B4GALNT2: variants seen among roughly 807,000 people sequenced by gnomAD.
The protein encoded by B4GALNT2 is N-acetylneuraminylgalactosylglucosyl-glucoside beta-1,4-N- acetylgalactosaminyltransferase 2.
In B4GALNT2, 42 loss-of-function variants were observed where a neutral mutation model predicts 51.1. The ratio of observed to expected loss-of-function variants is 0.82; its 90% CI spans 0.64 to 1.06. The LOEUF is 1.06. Ranked by LOEUF, B4GALNT2 falls within the 50% of genes least tolerant of loss-of-function variation. The pLI is 0.00. For synonymous variants in B4GALNT2, 253 were observed against 251.7 expected (o/e 1.01, Z -0.05); for missense variants, 602 against 633.6 (o/e 0.95, Z 0.54).
At chr17:49,162,912 C>CTAAA (rs762502571) in intron 7 of B4GALNT2, among the ~76,000 whole-genome samples, 1 of 53,622 alleles carries the variant, frequency 1.9e-5, no homozygotes, top group Non-Finnish European at 3.1e-5. Flanking sequence ...GAAACTGTCT[C>CTAAA]AAAAAAAAAA....
chr17:49,164,012 C>G, intron 7 of B4GALNT2, 76 bp from the exon 8 acceptor site: 8 of 1,397,514 alleles, frequency 5.7e-6, no homozygotes, highest in Non-Finnish European at 7.9e-6. Flanking sequence ...CAGAAAGAAG[C>G]CATCAGATCA....
At position 49,160,657 on chromosome 17, in the gene B4GALNT2, T is replaced by C. The variant is rs781716479; in HGVS notation, c.766+16T>C. On this transcript the variant is annotated intron_variant, in intron 7 of 10. Transcript: ENST00000393354. ...CCTGGACCAGGTAAGGCCCTTGTCC[T>C]TGGGGCTCCGTGGTGGCAACCCTGT... 28 of 1,605,482 alleles carry C rather than the reference T, an allele frequency of 1.7e-5. No homozygotes were observed. In the East Asian group the frequency reaches 5.4e-4, roughly 31 times the overall value.
chr17:49,129,951 C>A (rs1457624167), upstream of B4GALNT2, among the ~76,000 whole-genome samples: 3 of 152,344 alleles, frequency 2.0e-5, no homozygotes, highest in Non-Finnish European at 4.4e-5. Flanking sequence ...GATGGTGATG[C>A]TCCTGTCTGT....
At chr17:49,148,601 C>T (rs977100809) in intron 3 of B4GALNT2, 19 of 482,150 alleles carry the variant, frequency 3.9e-5, no homozygotes, top group Admixed American at 7.1e-5. Flanking sequence ...TGGTAAGGTA[C>T]GCGTAGAAAT....
the B4GALNT2 span, among the ~76,000 whole-genome samples, chr17:49,125,560 C>T: frequency 2.0e-5 from 3 of 151,964 alleles, no homozygotes; most frequent in Non-Finnish European, 4.4e-5. Flanking sequence ...CGTGTGTCGC[C>T]GCCATCCGGT....
intron 1 of B4GALNT2, 115 bp downstream of exon 1, chr17:49,132,921 G>A: frequency 7.3e-7 from 1 of 1,378,230 alleles, no homozygotes; most frequent in Non-Finnish European, 9.4e-7. Context: ...AGACGCCGGA[G>A]CCAGGGAGCG....
chr17:49,153,533 G>T (rs1325006546), intron 4 of B4GALNT2, among the ~76,000 whole-genome samples: 2 of 151,150 alleles, frequency 1.3e-5, no homozygotes, highest in African/African-American at 4.9e-5. Flanking sequence ...TTGCGACGGA[G>T]TCTTGCTCCA....
At chr17:49,150,076 G>T (rs1392477231) in intron 3 of B4GALNT2, among the ~76,000 whole-genome samples, 1 of 152,120 alleles carries the variant, frequency 6.6e-6, no homozygotes, top group Non-Finnish European at 1.5e-5. Flanking sequence ...GGTCGGGGGG[G>T]GTCAGCCCCC....
intron 1 of B4GALNT2, among the ~76,000 whole-genome samples, chr17:49,137,532 T>C (rs1046681126): frequency 2.0e-5 from 3 of 152,194 alleles, no homozygotes; most frequent in African/African-American, 4.8e-5. Flanking sequence ...CATAAACTTC[T>C]GTTCCCTGTA....
chr17:49,129,618 A>ATTTTTTT (rs35573556), upstream of B4GALNT2, among the ~76,000 whole-genome samples: 54 of 151,528 alleles, frequency 3.6e-4, no homozygotes, highest in African/African-American at 8.0e-4. Flanking sequence ...CTTCTGGCCG[A>ATTTTTTT]TTTTTTGGTC....
intron 1 of B4GALNT2, among the ~76,000 whole-genome samples, chr17:49,138,191 T>A (rs186296434): frequency 9.8e-4 from 150 of 152,306 alleles, no homozygotes; most frequent in African/African-American, 3.5e-3. Flanking sequence ...AGCATGGCAA[T>A]AGACTTAAAG....
chr17:49,156,562 C>A lies in B4GALNT2; in HGVS notation c.461-4C>A, dbSNP rs147824605. The A allele has an allele frequency of 1.3e-3, 2,065 of 1,613,762 alleles. 30 individuals carry two copies. The African/African-American group carries it at 0.024, about 19-fold the overall frequency. ...TTTTCTTTCCTTTTCCCTGTGTCCT[C>A]CAGGCCTCCAGTTTGAAGGACCCGA... On this transcript the variant is annotated splice_polypyrimidine_tract_variant and splice_region_variant and intron_variant, in intron 4 of 10. Transcript: ENST00000393354.
At position 49,137,549 on chromosome 17, in the gene B4GALNT2, C is replaced by T. The variant is rs8071467; in HGVS notation, c.15-3698C>T. Among the ~76,000 whole-genome samples, 106 of 152,236 alleles carry T rather than the reference C, an allele frequency of 7.0e-4. 2 individuals are homozygous for T. The highest frequency in any genetic ancestry group is 2.4e-3 in the African/African-American group (101 of 41,526). The stretch of plus-strand genomic sequence containing the variant: ...TAAACTTCTGTTCCCTGTAAATTAC[C>T]CAGTCTCAGGTATTCTGTTATAGCA... On this transcript the variant is annotated intron_variant, in intron 1 of 10. Coordinates refer to ENST00000393354, the MANE Select transcript of B4GALNT2 (RefSeq NM_001159387.2).
chr17:49,153,134 G>T (rs926586514), intron 4 of B4GALNT2, among the ~76,000 whole-genome samples: 17 of 151,810 alleles, frequency 1.1e-4, no homozygotes, highest in Admixed American at 9.9e-4. Flanking sequence ...AAAAGGGGCC[G>T]GGTGCTGTGC....
At chr17:49,131,240 A>G (rs982560860), upstream of B4GALNT2, among the ~76,000 whole-genome samples, 10 of 152,140 alleles carry the variant, frequency 6.6e-5, no homozygotes, top group Non-Finnish European at 1.3e-4. Flanking sequence ...AGTCGGTACA[A>G]CACTTTTCTG....
chr17:49,152,019 G>A (rs1231881072), intron 3 of B4GALNT2, among the ~76,000 whole-genome samples: 1 of 152,148 alleles, frequency 6.6e-6, no homozygotes, highest in Non-Finnish European at 1.5e-5. Flanking sequence ...TGCTGCAGCT[G>A]GGTGGGCCCC....
intron 4 of B4GALNT2, among the ~76,000 whole-genome samples, chr17:49,153,396 C>G (rs913826869): frequency 6.6e-6 from 1 of 151,926 alleles, no homozygotes; most frequent in Non-Finnish European, 1.5e-5. Context: ...GCCTGGGTGA[C>G]AAAGTGAGAT....
chr17:49,158,397 G>A (rs2042829339), intron 5 of B4GALNT2, among the ~76,000 whole-genome samples: 1 of 152,120 alleles, frequency 6.6e-6, no homozygotes, highest in African/African-American at 2.4e-5. Flanking sequence ...GGAAGGTGTG[G>A]AGTAAGAAGG....
At chr17:49,133,083 C>T (rs776711431) in intron 1 of B4GALNT2, 8 of 1,510,246 alleles carry the variant, frequency 5.3e-6, no homozygotes, top group Non-Finnish European at 7.0e-6. Flanking sequence ...CTCTCGCGGC[C>T]GGGAATGTGT....
Sources: gnomAD v4.1 joint callset for allele counts (sites outside exome capture counted in the v4.1 genomes callset) on GRCh38, gnomAD v4.1.1 for gene constraint, MANE v1.5 for transcripts, NCBI Gene and HGNC (gene_info 2026-07-23, HGNC 2026-07-21) for gene names.